AOPEP: variants seen among roughly 807,000 people sequenced by gnomAD.
AOPEP encodes the protein aminopeptidase O.
Under a neutral mutation model 98.1 loss-of-function variants are expected in AOPEP, and 77 were observed. The ratio of observed to expected loss-of-function variants is 0.78; its 90% CI spans 0.65 to 0.95. The LOEUF (loss-of-function observed/expected upper bound fraction) is 0.95, where lower values mean the gene tolerates loss of function less well. Ranked by LOEUF, AOPEP falls within the 40% of genes least tolerant of loss-of-function variation. The probability of loss-of-function intolerance (pLI) is 0.00; values close to 1 mark genes in which losing one functional copy is unlikely to be tolerated. For synonymous variants in AOPEP, 346 were observed against 365.3 expected (o/e 0.95, Z 0.60); for missense variants, 1,024 against 1,024.7 (o/e 1.00, Z 0.01).
chr9:94,789,880 CT>C (rs1163727431), intron 3 of AOPEP, among the ~76,000 whole-genome samples: 87 of 86,950 alleles, frequency 1.0e-3, no homozygotes, highest in East Asian at 2.1e-3. Flanking sequence ...TCAACTTGTT[CT>C]TTTTTTTTTT....
At chr9:95,131,517 T>G in the AOPEP span, among the ~76,000 whole-genome samples, 1 of 152,220 alleles carries the variant, frequency 6.6e-6, no homozygotes, top group Non-Finnish European at 1.5e-5. Context: ...GAGACTATGC[T>G]GGAGGATCTG....
chr9:95,006,340 A>AT (rs1397428487), intron 13 of AOPEP: 3 of 324,158 alleles, frequency 9.3e-6, no homozygotes, highest in Admixed American at 8.1e-5. Context: ...CTGTTTTTTG[A>AT]TTCTTGATAC....
chr9:94,919,099 A>G (rs2053232794), intron 5 of AOPEP, among the ~76,000 whole-genome samples: 1 of 152,044 alleles, frequency 6.6e-6, no homozygotes, highest in African/African-American at 2.4e-5. Flanking sequence ...TATTTTTAGT[A>G]CAGACAGGGT....
chr9:94,782,512 G>A (rs1183059260), intron 3 of AOPEP, among the ~76,000 whole-genome samples: 4 of 152,190 alleles, frequency 2.6e-5, no homozygotes, highest in Admixed American at 2.0e-4. Context: ...CAAGATCTGA[G>A]AGTCCAGACC....
intron 5 of AOPEP, among the ~76,000 whole-genome samples, chr9:94,809,807 AC>A (rs1266968670): frequency 6.6e-6 from 1 of 152,268 alleles, no homozygotes; most frequent in Non-Finnish European, 1.5e-5. Flanking sequence ...TGAGAAAAAA[AC>A]AATTATGAAA....
the AOPEP span, chr9:95,111,419 C>CAAA: frequency 6.2e-7 from 1 of 1,601,478 alleles, no homozygotes; most frequent in Non-Finnish European, 8.5e-7. Context: ...CTCTCAGCCC[C>CAAA]CCAGAGCCCA....
intron 2 of AOPEP, among the ~76,000 whole-genome samples, chr9:94,766,775 T>C (rs1017931097): frequency 2.6e-5 from 4 of 152,198 alleles, no homozygotes; most frequent in South Asian, 2.1e-4. Context: ...GAAAATACAT[T>C]ATAAGATAAA....
At chr9:94,956,104 G>T in intron 9 of AOPEP, 89 bp downstream of exon 9, 1 of 755,052 alleles carries the variant, frequency 1.3e-6, no homozygotes. Flanking sequence ...TAAAGAGTAG[G>T]GAAAAGGTTT....
chr9:94,833,743 A>G (rs532891793), intron 5 of AOPEP, among the ~76,000 whole-genome samples: 7 of 152,232 alleles, frequency 4.6e-5, no homozygotes, highest in Admixed American at 1.3e-4. Context: ...TAAGGATACC[A>G]GGGAATTAAC....
chr9:95,121,936 C>A, the AOPEP span, among the ~76,000 whole-genome samples: 1 of 151,326 alleles, frequency 6.6e-6, no homozygotes, highest in Non-Finnish European at 1.5e-5. Flanking sequence ...CAGCTCACTG[C>A]AAGCTCCGCC....
chr9:94,829,217 C>T (rs1432971403), intron 5 of AOPEP, among the ~76,000 whole-genome samples: 1 of 152,050 alleles, frequency 6.6e-6, no homozygotes, highest in Non-Finnish European at 1.5e-5. Flanking sequence ...CACACACGCA[C>T]ACGCACACAC....
chr9:94,818,812 G>A (rs951055657), intron 5 of AOPEP, among the ~76,000 whole-genome samples: 2 of 152,124 alleles, frequency 1.3e-5, no homozygotes, highest in Non-Finnish European at 2.9e-5. Flanking sequence ...GGCTAACACA[G>A]TGAAACCCTG....
Position 95,062,907 on chromosome 9 carries a change from G to C in AOPEP, c.2232+2097G>C, listed in dbSNP as rs79631121. 7.3e-3 allele frequency among the ~76,000 whole-genome samples: 1,110 copies of C among 152,354 alleles called. 7 individuals are homozygous for C. The highest frequency in any genetic ancestry group is 0.025 in the African/African-American group (1,051 of 41,572). On this transcript the variant is annotated intron_variant, in intron 14 of 16. Coordinates refer to ENST00000375315, the MANE Select transcript of AOPEP (RefSeq NM_001193329.3). ...CCGTGTTCAGAATGTGAAAGGAAAAGTGCTCAAGGACAGACAGAGTTGAGA... is the reference window on the plus strand; with the variant it reads ...CCGTGTTCAGAATGTGAAAGGAAAACTGCTCAAGGACAGACAGAGTTGAGA...
At chr9:94,908,786 G>A (rs554131165) in intron 5 of AOPEP, among the ~76,000 whole-genome samples, 1 of 152,224 alleles carries the variant, frequency 6.6e-6, no homozygotes, top group African/African-American at 2.4e-5. Context: ...CAGATAAGGG[G>A]CACTGGAAAT....
chr9:95,089,527 G>A (rs546193166), downstream of AOPEP, among the ~76,000 whole-genome samples: 174 of 152,184 alleles, frequency 1.1e-3, 1 homozygote, highest in Non-Finnish European at 2.2e-3. Context: ...TTTCCTCCAC[G>A]CCACAATGCC....
At chr9:94,967,353 A>T (rs1001166372) in intron 9 of AOPEP, among the ~76,000 whole-genome samples, 1 of 152,138 alleles carries the variant, frequency 6.6e-6, no homozygotes, top group African/African-American at 2.4e-5. Context: ...AGAGCAACGC[A>T]AGAGAGTTGC....
At chr9:94,794,488 T>G (rs1252705883) in intron 4 of AOPEP, among the ~76,000 whole-genome samples, 1 of 152,240 alleles carries the variant, frequency 6.6e-6, no homozygotes, top group Non-Finnish European at 1.5e-5. Context: ...CCACAGTAAC[T>G]GTGGCAGTTG....
Position 95,082,705 on chromosome 9 carries a change from T to C in AOPEP, c.2450T>C (p.Met817Thr), listed in dbSNP as rs920706246. 1.9e-6 allele frequency: 3 copies of C among 1,614,094 alleles called. No homozygotes were observed. The highest frequency in any genetic ancestry group is 2.7e-5 in the African/African-American group (2 of 74,944). The change falls in exon 16 of 17, where the codon ATG (methionine) becomes ACG (threonine). Residue 817 changes from methionine (M) to threonine (T), a missense_variant. Coordinates refer to ENST00000375315, the MANE Select transcript of AOPEP (RefSeq NM_001193329.3). The part of the protein sequence containing the change: ...DRSSAQVVAE[M>T]LF ...TCCTCAGCCCAGGTGGTGGCCGAAA[T>C]GTTATTTTAACGAGGTGATTCTCTC... is the stretch of plus-strand genomic sequence containing the variant.
At chr9:94,913,823 T>G (rs892529472) in intron 5 of AOPEP, among the ~76,000 whole-genome samples, 16 of 152,254 alleles carry the variant, frequency 1.1e-4, no homozygotes, top group Admixed American at 1.0e-3. Context: ...TGCCAGTTGT[T>G]TGCTTAGTTA....
Sources: allele counts gnomAD v4.1 joint callset (sites outside exome capture counted in the v4.1 genomes callset), GRCh38; gene constraint gnomAD v4.1.1; transcripts MANE v1.5; gene names NCBI Gene and HGNC (gene_info 2026-07-23, HGNC 2026-07-21).